Variants in ANKFY1 observed in about 807,000 individuals in gnomAD.
ANKFY1 encodes the protein ankyrin repeat and FYVE domain containing 1.
In ANKFY1, 47 loss-of-function variants were observed where a neutral mutation model predicts 128.3. The ratio of observed to expected loss-of-function variants is 0.37; its 90% CI spans 0.29 to 0.47. ANKFY1 has a LOEUF of 0.47. ANKFY1 is among the 20% of genes least tolerant of loss of function. The pLI, the probability that ANKFY1 is intolerant of heterozygous loss-of-function variation, is 1.00. For synonymous variants in ANKFY1, 553 were observed against 601.6 expected, an observed-to-expected ratio of 0.92 and a Z score of 1.18; for missense variants, 1,222 against 1,510.6, an observed-to-expected ratio of 0.81 and a Z score of 3.17.
intron 3 of ANKFY1, among the ~76,000 whole-genome samples, chr17:4,221,687 C>G (rs559000522): frequency 6.6e-6 from 1 of 152,140 alleles, no homozygotes; most frequent in Non-Finnish European, 1.5e-5. Context: ...GGCACATTCT[C>G]GGCTCACTGC....
chr17:4,185,382 T>G (rs2143005706), intron 11 of ANKFY1, among the ~76,000 whole-genome samples: 1 of 152,204 alleles, frequency 6.6e-6, no homozygotes, highest in East Asian at 1.9e-4. Context: ...ATTTTTGTAT[T>G]TTTAGTACAG....
chr17:4,263,718 G>C (rs1968549914), intron 1 of ANKFY1: 2 of 1,482,846 alleles, frequency 1.3e-6, no homozygotes, highest in African/African-American at 2.9e-5. Flanking sequence ...CCGCAGTCCC[G>C]CGGGGTCGGC....
chr17:4,219,455 T>C (rs1050197740), intron 3 of ANKFY1, among the ~76,000 whole-genome samples: 5 of 152,200 alleles, frequency 3.3e-5, no homozygotes, highest in African/African-American at 1.2e-4. Context: ...AAGTCCTCTA[T>C]GTGATTCTGA....
chr17:4,254,855 TC>T (rs1968031770), intron 1 of ANKFY1, among the ~76,000 whole-genome samples: 1 of 152,202 alleles, frequency 6.6e-6, no homozygotes, highest in Admixed American at 6.5e-5. Flanking sequence ...TTCACATTCA[TC>T]ATCTCAGATT....
chr17:4,189,438 C>T lies in ANKFY1; in HGVS notation c.1414G>A (p.Ala472Thr). 2 of 1,592,648 alleles carry T rather than the reference C, an allele frequency of 1.3e-6. No individual in the cohort carries two copies. The highest frequency in any genetic ancestry group is 1.7e-6 in the Non-Finnish European group (2 of 1,166,816). ...LQRAAGAGNE[A>T]AALFLATNGA... is the part of the protein sequence containing the mutation. ...TTGGTTGCCAGGAAAAGAGCTGCTG[C>T]CTCGTTTCCTGCTCCAGCTGCCCGC... The change falls in exon 11 of 25, where the codon GCA (alanine) becomes ACA (threonine). Residue 472 changes from alanine (A) to threonine (T), a missense_variant. Ala to Thr is a moderately conservative substitution (Grantham distance 58). Coordinates refer to ENST00000341657, the MANE Select transcript of ANKFY1 (RefSeq NM_001330063.2).
At chr17:4,233,368 A>G (rs568216765) in intron 3 of ANKFY1, among the ~76,000 whole-genome samples, 2 of 143,012 alleles carry the variant, frequency 1.4e-5, no homozygotes, top group Non-Finnish European at 3.1e-5. Flanking sequence ...ACTATGCTTT[A>G]AAAAAAAAAA....
chr17:4,208,220 A>C, intron 5 of ANKFY1, 138 bp from the exon 6 acceptor site: 1 of 732,942 alleles, frequency 1.4e-6, no homozygotes, highest in Non-Finnish European at 2.1e-6. Flanking sequence ...ATTTCTCCCC[A>C]AAACCCAATG....
At chr17:4,256,692 A>G (rs1968149905) in intron 1 of ANKFY1, among the ~76,000 whole-genome samples, 1 of 152,206 alleles carries the variant, frequency 6.6e-6, no homozygotes. Flanking sequence ...ATGCATGCTT[A>G]TTTGAAATAC....
intron 22 of ANKFY1, 121 bp from the exon 23 acceptor site, chr17:4,170,982 T>G: frequency 7.0e-7 from 1 of 1,434,584 alleles, no homozygotes; most frequent in Non-Finnish European, 9.6e-7. Context: ...GTTCACAAAG[T>G]CCCCACAGAC....
intron 21 of ANKFY1, among the ~76,000 whole-genome samples, chr17:4,173,104 C>A (rs1373809325): frequency 2.0e-5 from 3 of 152,262 alleles, no homozygotes; most frequent in African/African-American, 7.2e-5. Flanking sequence ...GATCCGCCCG[C>A]CTCGGACTCC....
intron 1 of ANKFY1, among the ~76,000 whole-genome samples, chr17:4,247,490 G>A (rs79520609): frequency 0.027 from 4,111 of 152,048 alleles, 185 homozygotes; most frequent in African/African-American, 0.094. Flanking sequence ...AGCTTTTGTC[G>A]GGGGAAACCC....
chr17:4,252,992 C>T (rs946973022), intron 1 of ANKFY1, among the ~76,000 whole-genome samples: 5 of 152,112 alleles, frequency 3.3e-5, no homozygotes, highest in African/African-American at 1.2e-4. Flanking sequence ...AGTAGGCAAA[C>T]CAGGATCACT....
chr17:4,177,254 C>G lies in ANKFY1; in HGVS notation c.2647G>C (p.Asp883His), dbSNP rs774188204. Residue 883 changes from aspartate to histidine, a missense_variant, in exon 19 of 25, where the codon GAT (aspartate) becomes CAT (histidine). Physicochemically the swap from Asp to His is moderately conservative, Grantham distance 81. Transcript: ENST00000341657. ...ATCAGGAACAGCACACTTTCAATATCAGAGTTCTGAACTGCCACATGAAGG... is the reference window on the plus strand; with the variant it reads ...ATCAGGAACAGCACACTTTCAATATGAGAGTTCTGAACTGCCACATGAAGG... ...NFLHVAVQNSDIESVLFLISV... is the reference protein window; with the variant it reads ...NFLHVAVQNSHIESVLFLISV... 1 of 1,603,894 alleles carries G rather than the reference C, an allele frequency of 6.2e-7. No individual in the cohort carries two copies. The highest frequency in any genetic ancestry group is 8.5e-7 in the Non-Finnish European group (1 of 1,175,136).
rs766104007 is a variant in ANKFY1, at chr17:4,242,262, T to G, written c.197A>C (p.Gln66Pro). The G allele has an allele frequency of 6.3e-7, 1 of 1,576,822 alleles. No homozygotes were observed. The highest frequency in any genetic ancestry group is 1.9e-5 in the Admixed American group (1 of 51,356). Residue 66 changes from glutamine to proline, a missense_variant, in exon 2 of 25, where the codon CAG becomes CCG. Gln to Pro is a moderately conservative substitution (Grantham distance 76). Transcript: ENST00000341657. ...AIVADLYEQE[Q>P]YSDLKIKVGD... is the part of the protein sequence containing the mutation. ...TGTCTAGGAGCTCTCCCACCTGTAC[T>G]GCTCCTGCTCGTAGAGGTCTGCCAC... is the stretch of plus-strand genomic sequence containing the variant.
intron 10 of ANKFY1, 80 bp from the exon 11 acceptor site, chr17:4,189,559 C>T (rs916305933): frequency 3.1e-6 from 4 of 1,277,314 alleles, no homozygotes; most frequent in Non-Finnish European, 3.3e-6. Flanking sequence ...CTCTTCCCTG[C>T]CACCCTATGA....
At chr17:4,189,582 C>T (rs1386682620) in intron 10 of ANKFY1, 103 bp from the exon 11 acceptor site, 10 of 1,028,510 alleles carry the variant, frequency 9.7e-6, no homozygotes, top group African/African-American at 9.5e-5. Context: ...GGCAAGCCCA[C>T]GCCAGACAGT....
intron 4 of ANKFY1, among the ~76,000 whole-genome samples, chr17:4,215,095 C>T (rs1297825474): frequency 6.6e-6 from 1 of 151,944 alleles, no homozygotes; most frequent in African/African-American, 2.4e-5. Context: ...TTGAGACTAA[C>T]CTGGCCAACA....
At chr17:4,262,192 G>A (rs538062011) in intron 1 of ANKFY1, among the ~76,000 whole-genome samples, 16 of 152,130 alleles carry the variant, frequency 1.1e-4, no homozygotes, top group African/African-American at 7.2e-5. Context: ...TTACTCTGTC[G>A]CCCAGGCTGG....
At chr17:4,172,073 G>A (rs1229939104) in intron 22 of ANKFY1, among the ~76,000 whole-genome samples, 2 of 152,194 alleles carry the variant, frequency 1.3e-5, no homozygotes, top group African/African-American at 4.8e-5. Flanking sequence ...AATGAACACA[G>A]TGATCACGGG....
Sources: gnomAD v4.1 joint callset for allele counts (sites outside exome capture counted in the v4.1 genomes callset) on GRCh38, gnomAD v4.1.1 for gene constraint, MANE v1.5 for transcripts, NCBI Gene and HGNC (gene_info 2026-07-23, HGNC 2026-07-21) for gene names.